REV3L: variants seen among roughly 807,000 people sequenced by gnomAD.
REV3L encodes the protein DNA polymerase zeta catalytic subunit.
REV3L carries 69 observed loss-of-function variants against 299.4 expected under a neutral mutation model. The ratio of observed to expected loss-of-function variants is 0.23; its 90% CI spans 0.19 to 0.28. The LOEUF is 0.28. Among genes scored for constraint, REV3L ranks in the 10% least tolerant of loss-of-function variants. The pLI is 1.00. For missense variants in REV3L, 3,128 were observed against 3,693.8 expected (o/e 0.85, Z 3.97); for synonymous variants, 1,238 against 1,271.4 (o/e 0.97, Z 0.56).
Position 111,482,782 on chromosome 6 carries a change from G to T in REV3L, c.107C>A (p.Pro36Gln). ...PLTQAPVKKV[P>Q]VVRVFGATPA... ...GGTCGCTCCGAAGACTCGCACCACC[G>T]GCACCTTCTTGACAGGGGCCTGGGT... Residue 36 changes from proline to glutamine, a missense_variant, in exon 1 of 32, where the codon CCG becomes CAG. Pro to Gln is a moderately conservative substitution (Grantham distance 76). Transcript: ENST00000368802. The T allele has an allele frequency of 6.7e-7, 1 of 1,482,286 alleles. No homozygotes were observed. Among genetic ancestry groups the T allele is most frequent in the South Asian group, 1.4e-5 (1 of 72,610 alleles). 91.8% of individuals were successfully genotyped at this position (1,482,286 alleles called of 1,614,324 possible).
intron 1 of REV3L, among the ~76,000 whole-genome samples, chr6:111,421,239 T>C (rs1277751823): frequency 1.3e-5 from 2 of 152,248 alleles, no homozygotes; most frequent in Admixed American, 6.5e-5. Flanking sequence ...GGTCTCTAAA[T>C]TGCCCATCTA....
chr6:111,333,001 A>T, intron 23 of REV3L, 122 bp downstream of exon 23: 1 of 1,091,926 alleles, frequency 9.2e-7, no homozygotes, highest in South Asian at 1.6e-5. Context: ...TAGCTGGGAT[A>T]CAGTCCATTT....
intron 21 of REV3L, among the ~76,000 whole-genome samples, chr6:111,339,448 A>G (rs778952910): frequency 1.4e-4 from 22 of 152,224 alleles, no homozygotes; most frequent in Non-Finnish European, 3.2e-4. Context: ...CTGTCATCAC[A>G]GCAAAGTACT....
At chr6:111,348,169 T>C (rs1169756320) in intron 20 of REV3L, among the ~76,000 whole-genome samples, 1 of 152,116 alleles carries the variant, frequency 6.6e-6, no homozygotes, top group African/African-American at 2.4e-5. Context: ...ATGGTCTTGA[T>C]TGAACTCCTG....
intron 29 of REV3L, 100 bp downstream of exon 29, chr6:111,310,969 A>C (rs569593256): frequency 2.5e-5 from 23 of 910,118 alleles, no homozygotes; most frequent in Non-Finnish European, 3.3e-5. Flanking sequence ...GTAAAGAAAC[A>C]ATTTTGTGTC....
intron 1 of REV3L, among the ~76,000 whole-genome samples, chr6:111,471,644 C>G (rs1792228216): frequency 6.6e-6 from 1 of 152,160 alleles, no homozygotes; most frequent in African/African-American, 2.4e-5. Flanking sequence ...TATTAAAACT[C>G]ACTTTACAGA....
In REV3L at chr6:111,465,552, G is replaced by A. The variant is rs564308349; in HGVS notation, c.139+17198C>T. ...AGTTTGAGACAAGCCAGACCAACAT[G>A]GTGAAACCCCATCTCTTCTAAAAAT... is the stretch of plus-strand genomic sequence containing the variant. On this transcript the variant is annotated intron_variant, in intron 1 of 31. Coordinates refer to ENST00000368802, the MANE Select transcript of REV3L (RefSeq NM_001372078.1). Among the ~76,000 whole-genome samples, 8 of 151,450 alleles carry A rather than the reference G, an allele frequency of 5.3e-5. No homozygotes were observed. The East Asian group carries it at 1.2e-3, about 22-fold the overall frequency.
At chr6:111,305,721 TAAG>T (rs776378822) in intron 31 of REV3L, among the ~76,000 whole-genome samples, 8 of 152,076 alleles carry the variant, frequency 5.3e-5, no homozygotes, top group South Asian at 2.1e-4. Context: ...AGAAAAAACA[TAAG>T]AAAGTCTAGG....
chr6:111,392,953 A>G lies in REV3L; in HGVS notation c.585T>C (p.Thr195=). 2 of 1,608,004 alleles carry G rather than the reference A, an allele frequency of 1.2e-6. No individual in the cohort carries two copies. Among genetic ancestry groups the G allele is most frequent in the Non-Finnish European group, 1.7e-6 (2 of 1,174,608 alleles). ...ARRKSNTLHA[T]GSCKNHLSGN... is the part of the protein sequence containing the mutation. Reference sequence around the variant, plus strand: ...CTGATAAATGATTCTTGCAGGATCCAGTTGCATGCAATGTATTACCTAGGA... The same window carrying G: ...CTGATAAATGATTCTTGCAGGATCCGGTTGCATGCAATGTATTACCTAGGA... The change falls in exon 5 of 32, where the codon ACT becomes ACC. Residue 195 remains threonine, a synonymous_variant. Transcript: ENST00000368802.
intron 26 of REV3L, chr6:111,315,723 AGTCT>A (rs946390344): frequency 1.3e-5 from 3 of 230,540 alleles, no homozygotes; most frequent in African/African-American, 6.7e-5. Context: ...GATACCAGTC[AGTCT>A]GTGATCAGTG....
intron 4 of REV3L, among the ~76,000 whole-genome samples, chr6:111,405,129 A>G (rs1783492370): frequency 6.6e-6 from 1 of 152,152 alleles, no homozygotes; most frequent in African/African-American, 2.4e-5. Context: ...AAGAATCACA[A>G]TACATATCAA....
At position 111,299,994 on chromosome 6, in the gene REV3L, G is replaced by A. The variant is rs374319084; in HGVS notation, c.*22C>T. ...GTAAGCACTGAAAAAAATAGCACCTGTAATACTGTGATATTGACAATTTAA... is the reference window on the plus strand; with the variant it reads ...GTAAGCACTGAAAAAAATAGCACCTATAATACTGTGATATTGACAATTTAA... On this transcript the variant is annotated 3_prime_UTR_variant, in exon 32 of 32. Coordinates refer to ENST00000368802, the MANE Select transcript of REV3L (RefSeq NM_001372078.1). The A allele has an allele frequency of 8.1e-6, 13 of 1,605,922 alleles. No homozygotes were observed. Among genetic ancestry groups the A allele is most frequent in the Non-Finnish European group, 1.1e-5 (13 of 1,176,570 alleles).
intron 11 of REV3L, among the ~76,000 whole-genome samples, chr6:111,379,113 TACAAAC>T (rs1401265205): frequency 2.6e-5 from 4 of 152,220 alleles, no homozygotes; most frequent in Admixed American, 6.5e-5. Context: ...CCACTGAACA[TACAAAC>T]ATAAATTTAA....
At chr6:111,480,728 T>C (rs1450790356) in intron 1 of REV3L, among the ~76,000 whole-genome samples, 1 of 151,746 alleles carries the variant, frequency 6.6e-6, no homozygotes. Flanking sequence ...TGTCTTTCAA[T>C]GTACATATAA....
intron 1 of REV3L, among the ~76,000 whole-genome samples, chr6:111,454,142 T>C (rs914880997): frequency 2.0e-5 from 3 of 151,662 alleles, no homozygotes; most frequent in Admixed American, 6.6e-5. Context: ...AGGGTCTCAC[T>C]ATGTTGTCCA....
In REV3L at chr6:111,299,824, T is replaced by G; in HGVS notation, c.*192A>C. On this transcript the variant is annotated 3_prime_UTR_variant, in exon 32 of 32. Coordinates refer to ENST00000368802, the MANE Select transcript of REV3L (RefSeq NM_001372078.1). ...AAAAGGTGACAGAATGAGGAATTTG[T>G]ACATTGTAAGAAGTGAGCTATTCAG... is the stretch of plus-strand genomic sequence containing the variant. The G allele has an allele frequency of 2.2e-6, 1 of 450,200 alleles. No individual in the cohort carries two copies. Among genetic ancestry groups the G allele is most frequent in the South Asian group, 4.8e-5 (1 of 20,828 alleles). 27.9% of individuals were successfully genotyped at this position (450,200 alleles called of 1,614,324 possible).
At position 111,376,471 on chromosome 6, in the gene REV3L, A is replaced by G. The variant is rs1780323532; in HGVS notation, c.1884T>C (p.Pro628=). Residue 628 remains proline (P), a synonymous_variant, in exon 13 of 32, where the codon CCT becomes CCC. Transcript: ENST00000368802. ...AATGAACAGTACTGCTTAAAGATCC[A>G]GGGTATTTCATAGAATAAGTGCTTT... ...TNESTYSMKY[P]GSLSSTVHSE... 1 of 1,613,760 alleles carries G rather than the reference A, an allele frequency of 6.2e-7. No homozygotes were observed. Among genetic ancestry groups the G allele is most frequent in the Non-Finnish European group, 8.5e-7 (1 of 1,179,860 alleles).
chr6:111,467,971 T>C (rs1215374620), intron 1 of REV3L, among the ~76,000 whole-genome samples: 3 of 152,110 alleles, frequency 2.0e-5, no homozygotes, highest in African/African-American at 7.2e-5. Context: ...TTATTAACAA[T>C]TTCTTCTAAG....
chr6:111,324,355 T>C (rs571685873), intron 25 of REV3L, among the ~76,000 whole-genome samples: 3 of 152,322 alleles, frequency 2.0e-5, no homozygotes, highest in African/African-American at 7.2e-5. Context: ...TCAGAAAATC[T>C]TGAGAATGTA....
Sources: gnomAD v4.1 joint callset for allele counts (sites outside exome capture counted in the v4.1 genomes callset) on GRCh38, gnomAD v4.1.1 for gene constraint, MANE v1.5 for transcripts, NCBI Gene and HGNC (gene_info 2026-07-23, HGNC 2026-07-21) for gene names.